Variants in CNTN5 observed in about 807,000 individuals in gnomAD.
CNTN5 encodes contactin 5.
CNTN5 carries 77 observed loss-of-function variants against 129.1 expected under a neutral mutation model. The ratio of observed to expected loss-of-function variants is 0.60; its 90% CI spans 0.50 to 0.72. The LOEUF (loss-of-function observed/expected upper bound fraction) is 0.72, where lower values mean the gene tolerates loss of function less well. Ranked by LOEUF, CNTN5 falls within the 30% of genes least tolerant of loss-of-function variation. CNTN5 has a pLI of 0.00. For synonymous variants in CNTN5, 509 were observed against 465.6 expected (o/e 1.09, Z -1.20); for missense variants, 1,478 against 1,328.8 (o/e 1.11, Z -1.75).
intron 1 of CNTN5, among the ~76,000 whole-genome samples, chr11:99,208,310 C>A (rs537585773): frequency 1.2e-4 from 19 of 152,138 alleles, no homozygotes; most frequent in African/African-American, 3.6e-4. Context: ...TTTACAGTGC[C>A]TTTTCTGTGG....
At chr11:99,059,271 C>A (rs1257738054) in intron 1 of CNTN5, among the ~76,000 whole-genome samples, 1 of 152,014 alleles carries the variant, frequency 6.6e-6, no homozygotes, top group African/African-American at 2.4e-5. Flanking sequence ...TTTTCTTAGA[C>A]TTTCTTGTCC....
intron 1 of CNTN5, among the ~76,000 whole-genome samples, chr11:99,226,841 C>A (rs559746005): frequency 6.6e-6 from 1 of 152,100 alleles, no homozygotes; most frequent in Non-Finnish European, 1.5e-5. Context: ...AAACAGAGCT[C>A]CATGCTAACA....
intron 2 of CNTN5, among the ~76,000 whole-genome samples, chr11:99,401,908 A>G (rs889697043): frequency 1.3e-5 from 2 of 152,010 alleles, no homozygotes; most frequent in South Asian, 2.1e-4. Context: ...TGATTTTTGT[A>G]TATTGATTTT....
At chr11:99,841,826 A>ATG (rs1429373040) in intron 4 of CNTN5, among the ~76,000 whole-genome samples, 2 of 141,540 alleles carry the variant, frequency 1.4e-5, no homozygotes, top group Non-Finnish European at 3.1e-5. Flanking sequence ...ATATGTGTGT[A>ATG]TATATATATA....
intron 8 of CNTN5, among the ~76,000 whole-genome samples, chr11:99,974,329 A>G (rs1238288043): frequency 6.6e-6 from 1 of 152,184 alleles, no homozygotes; most frequent in Non-Finnish European, 1.5e-5. Flanking sequence ...AGGGACAGGC[A>G]CAAGGTCATA....
chr11:99,969,992 C>A (rs141025905), intron 8 of CNTN5, among the ~76,000 whole-genome samples: 1 of 152,162 alleles, frequency 6.6e-6, no homozygotes, highest in African/African-American at 2.4e-5. Flanking sequence ...CTGCAGCTGA[C>A]ATTTGTGCTA....
At chr11:99,541,105 C>T (rs1184775875) in intron 2 of CNTN5, among the ~76,000 whole-genome samples, 1 of 152,142 alleles carries the variant, frequency 6.6e-6, no homozygotes, top group Non-Finnish European at 1.5e-5. Flanking sequence ...AGAATCGTAA[C>T]AACTCCACAC....
At chr11:100,177,904 CT>C (rs1347529906) in intron 13 of CNTN5, among the ~76,000 whole-genome samples, 1 of 152,092 alleles carries the variant, frequency 6.6e-6, no homozygotes, top group Non-Finnish European at 1.5e-5. Context: ...CAAGTTCTCT[CT>C]CTTCTGACCT....
chr11:99,947,041 T>C (rs12804660), intron 7 of CNTN5, among the ~76,000 whole-genome samples: 3 of 73,648 alleles, frequency 4.1e-5, no homozygotes, highest in African/African-American at 1.1e-4. Context: ...TGTTTTACAT[T>C]ATAAATGTGA....
At chr11:100,160,796 C>T (rs970256417) in intron 13 of CNTN5, among the ~76,000 whole-genome samples, 42 of 151,902 alleles carry the variant, frequency 2.8e-4, no homozygotes, top group African/African-American at 1.0e-3. Flanking sequence ...TTCATTCAAT[C>T]TTTCCATCAC....
At chr11:99,949,008 C>T (rs1370801085) in intron 7 of CNTN5, among the ~76,000 whole-genome samples, 2 of 152,128 alleles carry the variant, frequency 1.3e-5, no homozygotes, top group African/African-American at 2.4e-5. Flanking sequence ...CCTCACTTAC[C>T]AGTGCTGCAG....
At chr11:99,592,973 G>GA (rs963878622) in intron 3 of CNTN5, among the ~76,000 whole-genome samples, 3 of 152,014 alleles carry the variant, frequency 2.0e-5, no homozygotes, top group African/African-American at 7.2e-5. Context: ...AAATGTGAGA[G>GA]AAAAAGGGAG....
chr11:99,918,555 AT>A (rs1441844762), intron 7 of CNTN5, among the ~76,000 whole-genome samples: 2 of 152,152 alleles, frequency 1.3e-5, no homozygotes, highest in Admixed American at 6.6e-5. Flanking sequence ...AGAGAAAGCA[AT>A]TAGAAAATAA....
At chr11:99,340,031 A>T (rs1316241714) in intron 2 of CNTN5, among the ~76,000 whole-genome samples, 1 of 152,190 alleles carries the variant, frequency 6.6e-6, no homozygotes, top group Non-Finnish European at 1.5e-5. Context: ...TTTAATTTAC[A>T]TTTTAAGCAA....
intron 6 of CNTN5, among the ~76,000 whole-genome samples, chr11:99,895,437 G>C (rs1949180111): frequency 6.6e-6 from 1 of 152,192 alleles, no homozygotes; most frequent in Admixed American, 6.5e-5. Context: ...GCTAGACCCA[G>C]ATAGTGCCAT....
chr11:99,351,045 CATT>C (rs1349646525), intron 2 of CNTN5, among the ~76,000 whole-genome samples: 1 of 152,000 alleles, frequency 6.6e-6, no homozygotes, highest in Non-Finnish European at 1.5e-5. Context: ...GGAGGGATAA[CATT>C]AAGTGAAATA....
In CNTN5 at chr11:99,938,187, A is replaced by G. The variant is rs927230768; in HGVS notation, c.674-18619A>G. On this transcript the variant is annotated intron_variant, in intron 7 of 24. Coordinates refer to ENST00000524871, the MANE Select transcript of CNTN5 (RefSeq NM_014361.4). ...TTCCAAATCTGTAGGTTCATAGGAC[A>G]AGTGACTCCCTATGCTTGGAAAGTC... Among the ~76,000 whole-genome samples the G allele has an allele frequency of 3.9e-5, 6 of 152,298 alleles. No individual in the cohort carries two copies. In the East Asian group the frequency reaches 1.2e-3, roughly 29 times the overall value.
At chr11:99,357,955 G>T (rs1277608836) in intron 2 of CNTN5, among the ~76,000 whole-genome samples, 1 of 150,566 alleles carries the variant, frequency 6.6e-6, no homozygotes, top group East Asian at 2.0e-4. Context: ...AGTAAGCCGA[G>T]GTCGCGCCAC....
intron 1 of CNTN5, among the ~76,000 whole-genome samples, chr11:99,053,410 G>C (rs1415588876): frequency 6.6e-6 from 1 of 151,806 alleles, no homozygotes; most frequent in Non-Finnish European, 1.5e-5. Context: ...GGTCTTTTAA[G>C]TCATCTTCTG....
Sources: gnomAD v4.1 joint callset for allele counts (sites outside exome capture counted in the v4.1 genomes callset) on GRCh38, gnomAD v4.1.1 for gene constraint, MANE v1.5 for transcripts, NCBI Gene and HGNC (gene_info 2026-07-23, HGNC 2026-07-21) for gene names.